The following CALCR variants were observed in gnomAD, a reference collection of about 807,000 sequenced individuals.
CALCR encodes calcitonin receptor.
Under a neutral mutation model 59.5 loss-of-function variants are expected in CALCR, and 47 were observed. The ratio of observed to expected loss-of-function variants is 0.79; its 90% CI spans 0.63 to 1.01. The LOEUF (loss-of-function observed/expected upper bound fraction) is 1.01. CALCR is among the 50% of genes least tolerant of loss of function. The pLI is 0.00. For synonymous variants in CALCR, 213 were observed against 211.3 expected (o/e 1.01, Z -0.07); for missense variants, 566 against 597.1 (o/e 0.95, Z 0.54).
At chr7:93,439,804 A>AGCAAG in intron 9 of CALCR, among the ~76,000 whole-genome samples, 1 of 152,312 alleles carries the variant, frequency 6.6e-6, no homozygotes, top group African/African-American at 2.4e-5. Context: ...GGGGAAAACC[A>AGCAAG]GCAAGGCAAG....
chr7:93,440,672 G>C (rs2115715027), intron 9 of CALCR, among the ~76,000 whole-genome samples: 1 of 152,092 alleles, frequency 6.6e-6, no homozygotes, highest in South Asian at 2.1e-4. Flanking sequence ...AATCCCTCTA[G>C]TTCTTTTTTT....
At chr7:93,520,670 T>C (rs1376104257) in intron 2 of CALCR, among the ~76,000 whole-genome samples, 1 of 152,152 alleles carries the variant, frequency 6.6e-6, no homozygotes, top group African/African-American at 2.4e-5. Flanking sequence ...TTATTTACCT[T>C]GGAGACAGCT....
chr7:93,507,277 G>A (rs1020638629), intron 2 of CALCR, among the ~76,000 whole-genome samples: 1 of 152,032 alleles, frequency 6.6e-6, no homozygotes, highest in African/African-American at 2.4e-5. Context: ...CTAATAAGGT[G>A]AGAAAGTGGT....
Position 93,430,866 on chromosome 7 carries a change from G to A in CALCR, c.1191+3387C>T, listed in dbSNP as rs571056970. Among the ~76,000 whole-genome samples, 12 of 152,264 alleles carry A rather than the reference G, an allele frequency of 7.9e-5. No homozygotes were observed. The East Asian group carries it at 2.3e-3, about 29-fold the overall frequency. ...ACTCAAGTTTGAGAATACTGGTCTA[G>A]AACAAGGAAAATTATTGCTTAGCAT... On this transcript the variant is annotated intron_variant, in intron 13 of 13. Coordinates refer to ENST00000426151, the MANE Select transcript of CALCR (RefSeq NM_001742.4).
intron 2 of CALCR, among the ~76,000 whole-genome samples, chr7:93,507,864 G>A (rs538624049): frequency 5.3e-5 from 8 of 151,464 alleles, no homozygotes; most frequent in East Asian, 1.9e-4. Context: ...CAGAGCTTGC[G>A]GTGAGCCGAG....
chr7:93,508,269 A>G (rs75066435), intron 2 of CALCR, among the ~76,000 whole-genome samples: 1 of 152,192 alleles, frequency 6.6e-6, no homozygotes, highest in Non-Finnish European at 1.5e-5. Context: ...AAACCCCTCA[A>G]TGTGCTTAGT....
chr7:93,564,345 T>C (rs938429451), intron 2 of CALCR, among the ~76,000 whole-genome samples: 1 of 152,086 alleles, frequency 6.6e-6, no homozygotes, highest in Non-Finnish European at 1.5e-5. Context: ...TTAGAGGCAG[T>C]GGATATTAAG....
chr7:93,456,185 T>C (rs1562980665), intron 8 of CALCR, among the ~76,000 whole-genome samples: 2 of 152,158 alleles, frequency 1.3e-5, no homozygotes, highest in Non-Finnish European at 2.9e-5. Context: ...GTTATTTTGT[T>C]TTAGTCTATG....
rs562182322 is a variant in CALCR at position 93,428,786 on chromosome 7, C to CAAAA, written c.1192-2201_1192-2198dup. Among the ~76,000 whole-genome samples the CAAAA allele has an allele frequency of 3.2e-4, 27 of 83,938 alleles. No homozygotes were observed. In the South Asian group the frequency reaches 7.7e-3, roughly 24 times the overall value. 55.1% of individuals were successfully genotyped at this position (83,938 alleles called of 152,430 possible). A position where few individuals can be genotyped will look rare whatever the true frequency, so the allele number is the denominator to read the frequency against. On this transcript the variant is annotated intron_variant, in intron 13 of 13. Transcript: ENST00000426151. The stretch of plus-strand genomic sequence containing the variant: ...TGGGGAACAGAGCGAGACTCCGTCT[C>CAAAA]AAAAAAAAAAAAAAAAAAAGGAAGC...
intron 8 of CALCR, among the ~76,000 whole-genome samples, chr7:93,459,633 A>T (rs888264235): frequency 6.6e-6 from 1 of 151,926 alleles, no homozygotes; most frequent in Non-Finnish European, 1.5e-5. Flanking sequence ...ATACCTACTG[A>T]CTCTCTAGTA....
intron 2 of CALCR, among the ~76,000 whole-genome samples, chr7:93,513,159 A>G (rs1249052275): frequency 1.3e-5 from 2 of 152,276 alleles, no homozygotes; most frequent in East Asian, 1.9e-4. Flanking sequence ...CTCTCAGTGC[A>G]CTTCTAGCAT....
intron 13 of CALCR, among the ~76,000 whole-genome samples, chr7:93,429,871 T>G (rs1357917289): frequency 2.0e-5 from 3 of 151,788 alleles, no homozygotes; most frequent in African/African-American, 7.3e-5. Flanking sequence ...AAAAAACACT[T>G]TAAATTCCCT....
At chr7:93,546,703 T>C (rs914040408) in intron 2 of CALCR, among the ~76,000 whole-genome samples, 1 of 150,882 alleles carries the variant, frequency 6.6e-6, no homozygotes, top group Admixed American at 6.6e-5. Flanking sequence ...CAGGCACGCA[T>C]GACCACACTT....
At chr7:93,482,074 T>C (rs1463084581) in intron 3 of CALCR, among the ~76,000 whole-genome samples, 1 of 151,850 alleles carries the variant, frequency 6.6e-6, no homozygotes, top group African/African-American at 2.4e-5. Flanking sequence ...TAAAGAATCA[T>C]CAGTCATAAA....
intron 2 of CALCR, among the ~76,000 whole-genome samples, chr7:93,531,194 AT>A (rs1307862258): frequency 3.9e-5 from 6 of 152,128 alleles, no homozygotes; most frequent in Non-Finnish European, 8.8e-5. Flanking sequence ...TGTATTTTGA[AT>A]TCATTAGAAT....
At chr7:93,555,860 G>A (rs907399174) in intron 2 of CALCR, among the ~76,000 whole-genome samples, 1 of 152,152 alleles carries the variant, frequency 6.6e-6, no homozygotes, top group African/African-American at 2.4e-5. Context: ...TCGCATTTAT[G>A]AATGAACAAG....
At position 93,424,863 on chromosome 7, in the gene CALCR, C is replaced by T. The variant is rs934020351; in HGVS notation, c.*1493G>A. 2.7e-4 allele frequency: 41 copies of T among 152,592 alleles called. No individual in the cohort carries two copies. The highest frequency in any genetic ancestry group is 1.8e-4 in the Non-Finnish European group (12 of 68,016). 9.5% of individuals were successfully genotyped at this position (152,592 alleles called of 1,614,324 possible). ...TTAAACTACTTTAGTATCCCAAATT[C>T]ATTTTCTCTGTAGAAATATAATTAA... On this transcript the variant is annotated 3_prime_UTR_variant, in exon 14 of 14. Transcript: ENST00000426151.
rs1789336553 is a variant in CALCR at position 93,547,939 on chromosome 7, A to T, written c.-27+26350T>A. On this transcript the variant is annotated intron_variant, in intron 2 of 13. Coordinates refer to ENST00000426151, the MANE Select transcript of CALCR (RefSeq NM_001742.4). Reference sequence around the variant, plus strand: ...AAGCACGAGAACAGATGTTTATTTCAAGGCCACATTCCTCATGCTTCAGAA... The same window carrying T: ...AAGCACGAGAACAGATGTTTATTTCTAGGCCACATTCCTCATGCTTCAGAA... Among the ~76,000 whole-genome samples, 5 of 152,164 alleles carry T rather than the reference A, an allele frequency of 3.3e-5. No homozygotes were observed. In the South Asian group the frequency reaches 1.0e-3, roughly 32 times the overall value.
intron 8 of CALCR, among the ~76,000 whole-genome samples, chr7:93,448,453 G>A (rs942969045): frequency 2.6e-5 from 4 of 151,924 alleles, no homozygotes; most frequent in African/African-American, 9.7e-5. Flanking sequence ...CAAAACAGTG[G>A]CTAAGTTTGA....
Sources: gnomAD v4.1 joint callset for allele counts (sites outside exome capture counted in the v4.1 genomes callset) on GRCh38, gnomAD v4.1.1 for gene constraint, MANE v1.5 for transcripts, NCBI Gene and HGNC (gene_info 2026-07-23, HGNC 2026-07-21) for gene names.